Variants in WIPF1 observed in about 807,000 individuals in gnomAD.
WIPF1 encodes WAS/WASL-interacting protein family member 1.
Under a neutral mutation model 35.4 loss-of-function variants are expected in WIPF1, and 13 were observed. That is an observed-to-expected ratio of 0.37 (90% CI 0.24 to 0.58). The LOEUF is 0.58. Among genes scored for constraint, WIPF1 ranks in the 20% least tolerant of loss-of-function variants. WIPF1 has a pLI of 0.74. For missense variants in WIPF1, 591 were observed against 667.0 expected (o/e 0.89, Z 1.25); for synonymous variants, 267 against 266.3 (o/e 1.00, Z -0.02).
chr2:174,679,891 T>A (rs1177720117), intron 1 of WIPF1, among the ~76,000 whole-genome samples: 1 of 152,234 alleles, frequency 6.6e-6, no homozygotes, highest in Non-Finnish European at 1.5e-5. Flanking sequence ...GAAGTATTCA[T>A]CTGTCAAAGG....
At chr2:174,659,706 C>G (rs1008971856) in intron 1 of WIPF1, among the ~76,000 whole-genome samples, 2 of 152,202 alleles carry the variant, frequency 1.3e-5, no homozygotes, top group African/African-American at 4.8e-5. Context: ...GATTACAGAA[C>G]TCAGTCGTTC....
intron 1 of WIPF1, among the ~76,000 whole-genome samples, chr2:174,637,559 G>A (rs768521390): frequency 3.0e-4 from 46 of 152,190 alleles, no homozygotes; most frequent in Non-Finnish European, 5.6e-4. Context: ...AGGCCTAGGC[G>A]GGTGGATTAC....
In WIPF1 at chr2:174,567,145, C is replaced by A; in HGVS notation, c.1381G>T (p.Asp461Tyr). The stretch of plus-strand genomic sequence containing the variant: ...ACATATGGCTCTGGAGGTGGCAAAT[C>A]GGAAATCGGATGGAAGTAGAATCTG... ...ESRFYFHPIS[D>Y]LPPPEPYVQT... is the part of the protein sequence containing the mutation. The change falls in exon 7 of 8, where the codon GAT becomes TAT. Residue 461 changes from aspartate (D) to tyrosine (Y), a missense_variant. This residue lies in a region of WIPF1 where 117 missense variants were observed against 149.6 expected (regional missense o/e 0.78). Coordinates refer to ENST00000679041, the MANE Select transcript of WIPF1 (RefSeq NM_001375834.1). 1 of 1,614,102 alleles carries A rather than the reference C, an allele frequency of 6.2e-7. No homozygotes were observed. The highest frequency in any genetic ancestry group is 1.3e-5 in the African/African-American group (1 of 75,006).
chr2:174,574,954 AAAAAAAAAAAAATGT>A (rs1277121604), intron 4 of WIPF1: 3 of 320,648 alleles, frequency 9.4e-6, no homozygotes, highest in Non-Finnish European at 1.7e-5. Context: ...TTAGAAAAGT[AAAAAAAAAAAAATGT>A]ACAGGTTACC....
Position 174,584,742 on chromosome 2 carries a change from T to TTAGTATGG in WIPF1, c.51+780_51+781insCCATACTA, listed in dbSNP as rs1177647986. 6.3e-3 allele frequency among the ~76,000 whole-genome samples: 953 copies of TTAGTATGG among 152,196 alleles called. 12 individuals carry two copies. Among genetic ancestry groups the TTAGTATGG allele is most frequent in the African/African-American group, 0.022 (919 of 41,528 alleles). ...GCCTGGCCAACATGGTGAAACCCCG[T>TTAGTATGG]CCATACTAAAAATACAAAAATTAGC... On this transcript the variant is annotated intron_variant, in intron 2 of 7. Coordinates refer to ENST00000679041, the MANE Select transcript of WIPF1 (RefSeq NM_001375834.1).
rs1044707292 is a variant in WIPF1 at position 174,561,379 on chromosome 2, G to T, written c.*1168C>A. ...GCCTTCCTAGTCTCTCCCAGCCTCA[G>T]GAGCTTGCTCAGCCAGAAAGGAACA... On this transcript the variant is annotated 3_prime_UTR_variant, in exon 8 of 8. Coordinates refer to ENST00000679041, the MANE Select transcript of WIPF1 (RefSeq NM_001375834.1). 1 of 152,186 alleles carries T rather than the reference G, an allele frequency of 6.6e-6. No homozygotes were observed. 9.4% of individuals were successfully genotyped at this position (152,186 alleles called of 1,614,324 possible).
At chr2:174,576,243 A>AAAAAAAC (rs1685059969) in intron 3 of WIPF1, among the ~76,000 whole-genome samples, 1 of 150,350 alleles carries the variant, frequency 6.7e-6, no homozygotes, top group African/African-American at 2.5e-5. Flanking sequence ...AAAAAAAAAA[A>AAAAAAAC]AAAAAACACT....
chr2:174,642,102 T>C (rs778696628), intron 1 of WIPF1, among the ~76,000 whole-genome samples: 4 of 152,152 alleles, frequency 2.6e-5, no homozygotes, highest in Non-Finnish European at 5.9e-5. Flanking sequence ...AATGACCACT[T>C]TATTGAATAG....
At position 174,559,651 on chromosome 2, in the gene WIPF1, A is replaced by G. The variant is rs951545291; in HGVS notation, c.*2896T>C. On this transcript the variant is annotated 3_prime_UTR_variant, in exon 8 of 8. Coordinates refer to ENST00000679041, the MANE Select transcript of WIPF1 (RefSeq NM_001375834.1). ...GGGTAGTCTCTACCCTACCACTTACACTATCCTGATGACACAGATAGCAAA... is the reference window on the plus strand; with the variant it reads ...GGGTAGTCTCTACCCTACCACTTACGCTATCCTGATGACACAGATAGCAAA... 6.6e-6 allele frequency: 1 copy of G among 152,178 alleles called. No homozygotes were observed. Among genetic ancestry groups the G allele is most frequent in the Non-Finnish European group, 1.5e-5 (1 of 67,978 alleles). 9.4% of individuals were successfully genotyped at this position (152,178 alleles called of 1,614,324 possible).
At chr2:174,588,899 C>T (rs1685516826) in intron 1 of WIPF1, among the ~76,000 whole-genome samples, 1 of 152,190 alleles carries the variant, frequency 6.6e-6, no homozygotes, top group Admixed American at 6.5e-5. Flanking sequence ...AACTTGTTTG[C>T]ATGGCTTGCT....
Position 174,567,936 on chromosome 2 carries a change from G to T in WIPF1, c.1267C>A (p.Pro423Thr). ...GPRPPLPPDR[P>T]SAGAPPPPPP... ...GGTGGGGGAGGTGCCCCAGCACTGGGCCTATCAGGAGGAAGGGGAGGCCTG... is the reference window on the plus strand; with the variant it reads ...GGTGGGGGAGGTGCCCCAGCACTGGTCCTATCAGGAGGAAGGGGAGGCCTG... The change falls in exon 6 of 8, where the codon CCC becomes ACC. Residue 423 changes from proline (P) to threonine (T), a missense_variant. Transcript: ENST00000679041. The T allele has an allele frequency of 2.5e-6, 4 of 1,614,068 alleles. No individual in the cohort carries two copies. The African/African-American group carries it at 5.3e-5, about 22-fold the overall frequency.
At chr2:174,566,961 A>G in intron 7 of WIPF1, 109 bp downstream of exon 7, 1 of 997,046 alleles carries the variant, frequency 1.0e-6, no homozygotes, top group Non-Finnish European at 1.5e-6. Context: ...ATGGCTCCAA[A>G]GGGTTCTCTA....
intron 1 of WIPF1, among the ~76,000 whole-genome samples, chr2:174,676,894 G>A (rs1688143763): frequency 1.3e-5 from 2 of 152,120 alleles, no homozygotes; most frequent in Admixed American, 1.3e-4. Flanking sequence ...CAGGTATAAT[G>A]GCTCACACCT....
intron 7 of WIPF1, 28 bp from the exon 8 acceptor site, chr2:174,562,630 T>G: frequency 6.2e-7 from 1 of 1,613,174 alleles, no homozygotes; most frequent in Non-Finnish European, 8.5e-7. Context: ...CAAAATATAA[T>G]TTTGGTTAGA....
chr2:174,610,225 G>A (rs1319713913), intron 1 of WIPF1, among the ~76,000 whole-genome samples: 1 of 152,186 alleles, frequency 6.6e-6, no homozygotes, highest in Non-Finnish European at 1.5e-5. Context: ...ACGTATGCAG[G>A]GGTGGTGGTA....
chr2:174,653,650 G>A (rs530770223), intron 1 of WIPF1, among the ~76,000 whole-genome samples: 34 of 151,256 alleles, frequency 2.2e-4, no homozygotes, highest in Admixed American at 5.9e-4. Flanking sequence ...GCTGAGGCGG[G>A]AGAATGGCGT....
In WIPF1 at chr2:174,664,508, T is replaced by C. The variant is rs989338334; in HGVS notation, c.-39+18266A>G. Among the ~76,000 whole-genome samples, 4 of 152,254 alleles carry C rather than the reference T, an allele frequency of 2.6e-5. No homozygotes were observed. The East Asian group carries it at 7.7e-4, about 29-fold the overall frequency. On this transcript the variant is annotated intron_variant, in intron 1 of 8. Transcript: ENST00000272746. ...TGATTTAAGCCTGAATCACACCATC[T>C]TGAACTGCTGACCCAAGTGGGAAAA...
intron 1 of WIPF1, among the ~76,000 whole-genome samples, chr2:174,635,559 TTCTC>T (rs1300346632): frequency 6.8e-6 from 1 of 147,894 alleles, no homozygotes; most frequent in African/African-American, 2.5e-5. Flanking sequence ...TTTTTTGTGA[TTCTC>T]TCAGCCATCA....
chr2:174,564,899 CTTTTT>C lies in WIPF1; in HGVS notation c.1456+2166_1456+2170del, dbSNP rs112201736. ...TGTGAAAACTTACTTTTCACTAACACTTTTTTTTTTTTTTTGAGATGGAGTTTCGC... is the reference window on the plus strand; with the variant it reads ...TGTGAAAACTTACTTTTCACTAACACTTTTTTTTTTGAGATGGAGTTTCGC... On this transcript the variant is annotated intron_variant, in intron 7 of 7. Coordinates refer to ENST00000679041, the MANE Select transcript of WIPF1 (RefSeq NM_001375834.1). 2.1e-5 allele frequency among the ~76,000 whole-genome samples: 3 copies of C among 140,924 alleles called. No individual in the cohort carries two copies. In the South Asian group the frequency reaches 6.8e-4, roughly 32 times the overall value. The allele number at this position is 140,924 out of a possible 152,430, so 92.5% of individuals were successfully genotyped here.
Sources: allele counts gnomAD v4.1 joint callset (sites outside exome capture counted in the v4.1 genomes callset), GRCh38; gene constraint gnomAD v4.1.1; regional missense constraint gnomAD v4.1.1; transcripts MANE v1.5; gene names NCBI Gene and HGNC (gene_info 2026-07-23, HGNC 2026-07-21).